Variants in NR2F1-AS1 observed in about 807,000 individuals in gnomAD.
NR2F1-AS1 encodes the protein NR2F1 antisense RNA 1.
intron 4 of NR2F1-AS1, among the ~76,000 whole-genome samples, chr5:93,537,146 A>T (rs1399522862): frequency 6.6e-6 from 1 of 152,220 alleles, no homozygotes; most frequent in African/African-American, 2.4e-5. Context: ...CATCATGTAC[A>T]AAAATCAGCT....
intron 4 of NR2F1-AS1, among the ~76,000 whole-genome samples, chr5:93,447,764 C>G (rs1286159293): frequency 6.6e-6 from 1 of 151,946 alleles, no homozygotes; most frequent in Non-Finnish European, 1.5e-5. Flanking sequence ...CATTGCGGCA[C>G]TATTCACAAT....
chr5:93,532,433 C>T (rs1374458522), intron 4 of NR2F1-AS1, among the ~76,000 whole-genome samples: 1 of 152,014 alleles, frequency 6.6e-6, no homozygotes, highest in African/African-American at 2.4e-5. Context: ...GGGGATTGTG[C>T]AATAGAATCC....
intron 4 of NR2F1-AS1, chr5:93,544,159 A>G (rs574414812): frequency 5.3e-5 from 8 of 152,226 alleles, no homozygotes; most frequent in East Asian, 1.9e-4. Flanking sequence ...AAAACTAAAG[A>G]TAAGTGGGAA....
chr5:93,560,833 T>A (rs2149919153), intron 2 of NR2F1-AS1, among the ~76,000 whole-genome samples: 1 of 152,336 alleles, frequency 6.6e-6, no homozygotes, highest in South Asian at 2.1e-4. Context: ...CAAATTATAT[T>A]CCCATATGAA....
chr5:93,465,605 G>A (rs1240471173), intron 4 of NR2F1-AS1, among the ~76,000 whole-genome samples: 3 of 152,146 alleles, frequency 2.0e-5, no homozygotes, highest in African/African-American at 4.8e-5. Context: ...AAATCATGCT[G>A]CTATAAAGAC....
intron 4 of NR2F1-AS1, among the ~76,000 whole-genome samples, chr5:93,531,747 C>T (rs1003157813): frequency 1.3e-5 from 2 of 152,028 alleles, no homozygotes; most frequent in Admixed American, 6.6e-5. Flanking sequence ...TGACCAAGAT[C>T]GAAGTTATAA....
At chr5:93,423,182 G>A (rs897079271) in intron 4 of NR2F1-AS1, 4 of 152,196 alleles carry the variant, frequency 2.6e-5, no homozygotes, top group Non-Finnish European at 4.4e-5. Context: ...CTCTGAGCAG[G>A]ATGCAAGGGG....
chr5:93,447,398 A>G (rs970243922), intron 4 of NR2F1-AS1, among the ~76,000 whole-genome samples: 4 of 152,250 alleles, frequency 2.6e-5, no homozygotes, highest in African/African-American at 9.6e-5. Context: ...GGCAAAAGAT[A>G]GGAACAGACA....
chr5:93,562,573 C>T (rs1374696676), intron 2 of NR2F1-AS1, among the ~76,000 whole-genome samples: 2 of 152,068 alleles, frequency 1.3e-5, no homozygotes. Flanking sequence ...GGATTACAGG[C>T]GTGAGCCACC....
intron 4 of NR2F1-AS1, among the ~76,000 whole-genome samples, chr5:93,425,422 T>C (rs1420683307): frequency 6.6e-6 from 1 of 152,192 alleles, no homozygotes; most frequent in Non-Finnish European, 1.5e-5. Flanking sequence ...TAATATCCAC[T>C]GGTCAAAGCA....
chr5:93,415,273 C>A (rs1748945312), intron 4 of NR2F1-AS1, among the ~76,000 whole-genome samples: 1 of 152,028 alleles, frequency 6.6e-6, no homozygotes, highest in Non-Finnish European at 1.5e-5. Context: ...TTGTTGTCAG[C>A]AACATGAGAC....
intron 4 of NR2F1-AS1, among the ~76,000 whole-genome samples, chr5:93,417,485 T>C (rs1748992784): frequency 6.6e-6 from 1 of 152,178 alleles, no homozygotes; most frequent in Admixed American, 6.5e-5. Flanking sequence ...AACAACCAAT[T>C]CAATCTTACA....
intron 4 of NR2F1-AS1, among the ~76,000 whole-genome samples, chr5:93,483,358 TA>T (rs1448709612): frequency 6.6e-6 from 1 of 152,112 alleles, no homozygotes; most frequent in East Asian, 1.9e-4. Context: ...CAGAGGGGCC[TA>T]ACTATTAGAA....
At chr5:93,503,526 G>A (rs1389353124) in intron 4 of NR2F1-AS1, among the ~76,000 whole-genome samples, 1 of 152,172 alleles carries the variant, frequency 6.6e-6, no homozygotes, top group East Asian at 1.9e-4. Flanking sequence ...TTGGCCTTGT[G>A]AACTTGGATT....
chr5:93,486,095 A>G (rs1445357450), intron 4 of NR2F1-AS1, among the ~76,000 whole-genome samples: 1 of 121,400 alleles, frequency 8.2e-6, no homozygotes, highest in East Asian at 2.6e-4. Context: ...GGGGAACATC[A>G]CACTCTGGGG....
At position 93,579,223 on chromosome 5, in the gene NR2F1-AS1, C is replaced by T. The variant is rs945111657; in HGVS notation, n.313+1244G>A. Reference sequence around the variant, plus strand: ...TTGGCAAGGATGCCCCGTAGGAGTGCGAGCCGCTCCCCTCCTCCGAAAAGC... The same window carrying T: ...TTGGCAAGGATGCCCCGTAGGAGTGTGAGCCGCTCCCCTCCTCCGAAAAGC... On this transcript the variant is annotated intron_variant and non_coding_transcript_variant, in intron 1 of 5. Transcript: ENST00000660523. This position sits in a 1 kb window ranked among gnomAD's most constrained non-coding sequence, Gnocchi z 5.1. Among the ~76,000 whole-genome samples the T allele has an allele frequency of 6.6e-6, 1 of 152,122 alleles. No homozygotes were observed. The highest frequency in any genetic ancestry group is 2.4e-5 in the African/African-American group (1 of 41,440).
At chr5:93,570,692 T>C (rs1361729624) in intron 1 of NR2F1-AS1, 3 of 152,196 alleles carry the variant, frequency 2.0e-5, no homozygotes, top group African/African-American at 7.2e-5. Flanking sequence ...GTGGTGGCCT[T>C]CTGCGGGGGC....
intron 4 of NR2F1-AS1, chr5:93,543,746 A>G (rs1038502183): frequency 2.0e-5 from 3 of 152,166 alleles, no homozygotes; most frequent in Non-Finnish European, 4.4e-5. Context: ...GTTTCTTATA[A>G]TTACTGTTGG....
At chr5:93,409,639 C>A (rs62369922) in intron 4 of NR2F1-AS1, 1 of 152,118 alleles carries the variant, frequency 6.6e-6, no homozygotes, top group Admixed American at 6.5e-5. Context: ...GGGAGTGGGG[C>A]GATTCAGCCT....
Sources: gnomAD v4.1 joint callset for allele counts (sites outside exome capture counted in the v4.1 genomes callset) on GRCh38, gnomAD v4.1.1 for gene constraint, Gnocchi (gnomAD v3.1) non-coding constraint, MANE v1.5 for transcripts, NCBI Gene and HGNC (gene_info 2026-07-23, HGNC 2026-07-21) for gene names.